Variants in KPNA5 observed in about 807,000 individuals in gnomAD.
The protein encoded by KPNA5 is karyopherin subunit alpha 5, also known as importin subunit alpha-6.
In KPNA5, 46 loss-of-function variants were observed where a neutral mutation model predicts 71.3. That is an observed-to-expected ratio of 0.65 (90% CI 0.51 to 0.83). KPNA5 has a LOEUF of 0.83. KPNA5 is among the 40% of genes least tolerant of loss of function. The pLI is 0.00. For missense variants in KPNA5, 547 were observed against 628.3 expected, an observed-to-expected ratio of 0.87 and a Z score of 1.38; for synonymous variants, 207 against 201.4, an observed-to-expected ratio of 1.03 and a Z score of -0.24.
At chr6:116,701,924 T>A in intron 5 of KPNA5, 95 bp from the exon 6 acceptor site, 1 of 1,111,880 alleles carries the variant, frequency 9.0e-7, no homozygotes. Context: ...TCTTTCACAC[T>A]TGTCCTGGCA....
rs1409449564 is a variant in KPNA5 at position 116,726,589 on chromosome 6, A to AT, written c.1221dup (p.Ala408CysfsTer20). ...AAAGAAGCAGCTTGGGCTATAACTAATGCAACATCAGGAGGTACTCCAGAG... is the reference window on the plus strand; with the variant it reads ...AAAGAAGCAGCTTGGGCTATAACTAATTGCAACATCAGGAGGTACTCCAGAG... On this transcript the variant is annotated frameshift_variant, in exon 12 of 14. Coordinates refer to ENST00000368564, the MANE Select transcript of KPNA5 (RefSeq NM_001366306.2). LOFTEE classifies it high-confidence loss of function. The AT allele has an allele frequency of 6.2e-7, 1 of 1,612,220 alleles. No homozygotes were observed. The highest frequency in any genetic ancestry group is 8.5e-7 in the Non-Finnish European group (1 of 1,179,112).
intron 5 of KPNA5, among the ~76,000 whole-genome samples, chr6:116,699,028 T>C (rs1284742048): frequency 6.6e-6 from 1 of 152,114 alleles, no homozygotes; most frequent in East Asian, 1.9e-4. Context: ...AAATCATTAC[T>C]AATGTTAATA....
intron 7 of KPNA5, among the ~76,000 whole-genome samples, chr6:116,710,799 C>G (rs1778632000): frequency 6.8e-6 from 1 of 146,094 alleles, no homozygotes; most frequent in Admixed American, 6.8e-5. Flanking sequence ...TGATAATATT[C>G]TCATATAATT....
chr6:116,721,339 G>C (rs1779098090), intron 8 of KPNA5, among the ~76,000 whole-genome samples: 1 of 151,750 alleles, frequency 6.6e-6, no homozygotes, highest in African/African-American at 2.4e-5. Flanking sequence ...TTTTAGTAGA[G>C]ATCGGGTTTC....
chr6:116,689,458 G>A lies in KPNA5; in HGVS notation c.138+5G>A. 1 of 1,550,792 alleles carries A rather than the reference G, an allele frequency of 6.4e-7. No individual in the cohort carries two copies. The highest frequency in any genetic ancestry group is 2.2e-5 in the Admixed American group (1 of 45,376). On this transcript the variant is annotated splice_donor_5th_base_variant and intron_variant, in intron 2 of 13. Transcript: ENST00000368564. Reference sequence around the variant, plus strand: ...AAACAAAAAAGAGAAGAACAGGTAGGTGTTTTTAGCTATTTAATTTTGTTT... The same window carrying A: ...AAACAAAAAAGAGAAGAACAGGTAGATGTTTTTAGCTATTTAATTTTGTTT...
chr6:116,724,227 T>C, intron 9 of KPNA5, 70 bp from the exon 10 acceptor site: 2 of 994,162 alleles, frequency 2.0e-6, no homozygotes, highest in Non-Finnish European at 3.1e-6. Flanking sequence ...GAGTTTGTAG[T>C]ATTTTTGTAA....
chr6:116,704,281 TGCCCA>T (rs1476372934), intron 6 of KPNA5, among the ~76,000 whole-genome samples: 1 of 152,096 alleles, frequency 6.6e-6, no homozygotes, highest in Non-Finnish European at 1.5e-5. Context: ...TCAAGTGATC[TGCCCA>T]CCTCACCTCC....
At chr6:116,702,396 A>G (rs1218814870) in intron 6 of KPNA5, among the ~76,000 whole-genome samples, 2 of 152,154 alleles carry the variant, frequency 1.3e-5, no homozygotes, top group African/African-American at 4.8e-5. Context: ...AAAAGTGCAT[A>G]CTGAGGCTGG....
chr6:116,683,031 T>C (rs1466108913), intron 1 of KPNA5, among the ~76,000 whole-genome samples: 1 of 152,234 alleles, frequency 6.6e-6, no homozygotes, highest in Admixed American at 6.5e-5. Flanking sequence ...TTGGCTAAAA[T>C]TTATGCTGAA....
chr6:116,722,822 T>G (rs1374937064), intron 9 of KPNA5, among the ~76,000 whole-genome samples: 1 of 152,222 alleles, frequency 6.6e-6, no homozygotes, highest in Non-Finnish European at 1.5e-5. Flanking sequence ...AGAAAACTTG[T>G]TTTAAAAAGA....
At chr6:116,681,518 C>T in intron 1 of KPNA5, 180 bp downstream of exon 1, 2 of 1,358,792 alleles carry the variant, frequency 1.5e-6, no homozygotes, top group Non-Finnish European at 1.9e-6. Flanking sequence ...GGGGGCGTGG[C>T]AGCCGGACCT....
chr6:116,682,705 A>G (rs900611921), intron 1 of KPNA5, among the ~76,000 whole-genome samples: 1 of 152,228 alleles, frequency 6.6e-6, no homozygotes, highest in African/African-American at 2.4e-5. Flanking sequence ...TGGTTTTTCT[A>G]AGAGCCGTTG....
At position 116,702,667 on chromosome 6, in the gene KPNA5, C is replaced by A. The variant is rs75011858; in HGVS notation, c.567+517C>A. Among the ~76,000 whole-genome samples the A allele has an allele frequency of 2.0e-3, 302 of 150,764 alleles. 2 individuals carry two copies. Among genetic ancestry groups the A allele is most frequent in the African/African-American group, 6.6e-3 (273 of 41,174 alleles). ...CTGGGCGACAGAGCGAGATTTGTTT[C>A]AAAAAAAAAGTGTATACTGAGACTC... On this transcript the variant is annotated intron_variant, in intron 6 of 13. Transcript: ENST00000368564.
At chr6:116,730,084 A>ATTTTTT (rs66651825) in intron 13 of KPNA5, among the ~76,000 whole-genome samples, 1 of 124,698 alleles carries the variant, frequency 8.0e-6, no homozygotes, top group Non-Finnish European at 1.7e-5. Context: ...AAAATATGTA[A>ATTTTTT]TTTTTTTTTT....
rs1371470997 is a variant in KPNA5, at chr6:116,734,292, C to T, written c.*1969C>T. 1 of 151,488 alleles carries T rather than the reference C, an allele frequency of 6.6e-6. No homozygotes were observed. Among genetic ancestry groups the T allele is most frequent in the Non-Finnish European group, 1.5e-5 (1 of 67,660 alleles). The allele number at this position is 151,488 out of a possible 1,614,324, so 9.4% of individuals were successfully genotyped here. The stretch of plus-strand genomic sequence containing the variant: ...GCTGTGCCTCCTTTTATTTTGAGGA[C>T]CCTGTAGTCACTATAATAAATTTCT... On this transcript the variant is annotated 3_prime_UTR_variant, in exon 14 of 14. Transcript: ENST00000368564.
chr6:116,719,161 T>C (rs1023395220), intron 8 of KPNA5, among the ~76,000 whole-genome samples: 1 of 152,232 alleles, frequency 6.6e-6, no homozygotes, highest in Non-Finnish European at 1.5e-5. Flanking sequence ...CATCTTTATG[T>C]AGAATTCTGT....
intron 7 of KPNA5, among the ~76,000 whole-genome samples, chr6:116,713,169 T>G (rs1443542333): frequency 6.6e-6 from 1 of 152,248 alleles, no homozygotes; most frequent in African/African-American, 2.4e-5. Context: ...AGCAGTATTC[T>G]TTATTTCTTT....
At chr6:116,701,851 C>A (rs1395120926) in intron 5 of KPNA5, among the ~76,000 whole-genome samples, 168 bp from the exon 6 acceptor site, 1 of 152,014 alleles carries the variant, frequency 6.6e-6, no homozygotes, top group Admixed American at 6.6e-5. Context: ...ATGACAATTA[C>A]TTTTTTTTCT....
At position 116,738,029 on chromosome 6, in the gene KPNA5, A is replaced by T. The variant is rs1365559035; in HGVS notation, c.*5706A>T. 1 of 151,988 alleles carries T rather than the reference A, an allele frequency of 6.6e-6. No individual in the cohort carries two copies. The highest frequency in any genetic ancestry group is 1.9e-4 in the East Asian group (1 of 5,192). 9.4% of individuals were successfully genotyped at this position (151,988 alleles called of 1,614,324 possible). On this transcript the variant is annotated 3_prime_UTR_variant, in exon 14 of 14. Transcript: ENST00000368564. ...AGTACCATTTCAGCTGCATTCCACA[A>T]GTTATTCAGCTCTAAGTATTTTAAA... is the stretch of plus-strand genomic sequence containing the variant.
Sources: allele counts gnomAD v4.1 joint callset (sites outside exome capture counted in the v4.1 genomes callset), GRCh38; gene constraint gnomAD v4.1.1; transcripts MANE v1.5; gene names NCBI Gene and HGNC (gene_info 2026-07-23, HGNC 2026-07-21).